Variants in NUFIP1 observed in about 807,000 individuals in gnomAD.
NUFIP1 encodes the protein FMR1-interacting protein NUFIP1.
A neutral mutation model predicts 56.2 loss-of-function variants in NUFIP1; 38 were observed. That is an observed-to-expected ratio of 0.68 (90% CI 0.52 to 0.89). The LOEUF (loss-of-function observed/expected upper bound fraction) is 0.89. NUFIP1 is among the 40% of genes least tolerant of loss of function. The pLI, the probability that NUFIP1 is intolerant of heterozygous loss-of-function variation, is 0.00. For synonymous variants in NUFIP1, 215 were observed against 212.4 expected (o/e 1.01, Z -0.10); for missense variants, 567 against 605.8 (o/e 0.94, Z 0.67).
At chr13:44,969,418 A>C (rs1684540138) in intron 5 of NUFIP1, among the ~76,000 whole-genome samples, 1 of 152,176 alleles carries the variant, frequency 6.6e-6, no homozygotes, top group Non-Finnish European at 1.5e-5. Context: ...CTATTGAAAA[A>C]ACATAAATTA....
Position 44,951,108 on chromosome 13 carries a change from A to G in NUFIP1, c.1022-1270T>C, listed in dbSNP as rs574864200. On this transcript the variant is annotated intron_variant, in intron 7 of 9. Transcript: ENST00000379161. The stretch of plus-strand genomic sequence containing the variant: ...ACACCTATAAAAGTACTCCTTGTCA[A>G]TTTTAAGCTAAGTTACCTTTACTCC... Among the ~76,000 whole-genome samples, 4 of 152,308 alleles carry G rather than the reference A, an allele frequency of 2.6e-5. No individual in the cohort carries two copies. In the East Asian group the frequency reaches 7.7e-4, roughly 29 times the overall value.
intron 6 of NUFIP1, among the ~76,000 whole-genome samples, chr13:44,965,309 T>C (rs1297245876): frequency 2.0e-5 from 3 of 152,212 alleles, no homozygotes; most frequent in Non-Finnish European, 2.9e-5. Context: ...CCTCTTTCTT[T>C]TGTAAATTGC....
chr13:44,965,133 T>G (rs1871553433), intron 6 of NUFIP1, among the ~76,000 whole-genome samples: 1 of 152,074 alleles, frequency 6.6e-6, no homozygotes, highest in African/African-American at 2.4e-5. Flanking sequence ...TGATACTGAG[T>G]GAATGAGTCT....
At chr13:44,953,708 T>C (rs1443022146) in intron 7 of NUFIP1, among the ~76,000 whole-genome samples, 1 of 152,142 alleles carries the variant, frequency 6.6e-6, no homozygotes, top group East Asian at 1.9e-4. Flanking sequence ...GCTTATATTT[T>C]CCCTGTCCCA....
chr13:44,968,527 G>A (rs560641681), intron 5 of NUFIP1, among the ~76,000 whole-genome samples: 20 of 152,212 alleles, frequency 1.3e-4, no homozygotes, highest in Admixed American at 5.2e-4. Flanking sequence ...AAAAGAAGAT[G>A]AGAAGCGACA....
Position 44,940,473 on chromosome 13 carries a change from C to A in NUFIP1, c.*733G>T, listed in dbSNP as rs1022355076. On this transcript the variant is annotated 3_prime_UTR_variant, in exon 10 of 10. Transcript: ENST00000379161. ...TTTAGCTGTATGTCAAAAGGACAGACCAATAGCTACAGCTAGTACAATGAC... is the reference window on the plus strand; with the variant it reads ...TTTAGCTGTATGTCAAAAGGACAGAACAATAGCTACAGCTAGTACAATGAC... 1.3e-5 allele frequency: 2 copies of A among 152,220 alleles called. No individual in the cohort carries two copies. Among genetic ancestry groups the A allele is most frequent in the Non-Finnish European group, 2.9e-5 (2 of 68,036 alleles). The allele number at this position is 152,220 out of a possible 1,614,324, so 9.4% of individuals were successfully genotyped here.
At chr13:44,985,728 C>T (rs187811109) in intron 1 of NUFIP1, among the ~76,000 whole-genome samples, 42 of 152,232 alleles carry the variant, frequency 2.8e-4, no homozygotes, top group Non-Finnish European at 2.4e-4. Context: ...CTCTACCAAC[C>T]GGTGGTTCTC....
Position 44,953,850 on chromosome 13 carries a change from A to T in NUFIP1, c.1022-4012T>A, listed in dbSNP as rs191728596. The stretch of plus-strand genomic sequence containing the variant: ...AAAGCTCACTATACTTGACTTACCT[A>T]AAGGGTAAGTTACAAATTCACACAA... On this transcript the variant is annotated intron_variant, in intron 7 of 9. Coordinates refer to ENST00000379161, the MANE Select transcript of NUFIP1 (RefSeq NM_012345.3). 4.6e-5 allele frequency among the ~76,000 whole-genome samples: 7 copies of T among 152,252 alleles called. No homozygotes were observed. In the East Asian group the frequency reaches 1.4e-3, roughly 29 times the overall value.
chr13:44,952,047 T>C (rs567800077), intron 7 of NUFIP1, among the ~76,000 whole-genome samples: 2 of 152,328 alleles, frequency 1.3e-5, no homozygotes, highest in South Asian at 2.1e-4. Flanking sequence ...TTATTAGAGA[T>C]GCCTTTACTG....
intron 7 of NUFIP1, among the ~76,000 whole-genome samples, chr13:44,955,288 A>C (rs1871190562): frequency 6.6e-6 from 1 of 152,244 alleles, no homozygotes; most frequent in South Asian, 2.1e-4. Context: ...TTCTTTAAAT[A>C]AAAGGCTTTC....
At chr13:44,957,156 C>A (rs1393125210) in intron 7 of NUFIP1, among the ~76,000 whole-genome samples, 1 of 152,170 alleles carries the variant, frequency 6.6e-6, no homozygotes, top group Non-Finnish European at 1.5e-5. Context: ...CCTTGACCCT[C>A]ATTATAGGTA....
chr13:44,976,461 G>A, intron 5 of NUFIP1, among the ~76,000 whole-genome samples: 1 of 151,504 alleles, frequency 6.6e-6, no homozygotes, highest in East Asian at 1.9e-4. Flanking sequence ...AGAGGAAGAA[G>A]AAAAAGAAGA....
Position 44,979,872 on chromosome 13 carries a change from TA to T in NUFIP1, c.657+17del. 6.4e-7 allele frequency: 1 copy of T among 1,565,474 alleles called. No individual in the cohort carries two copies. Among genetic ancestry groups the T allele is most frequent in the Non-Finnish European group, 8.7e-7 (1 of 1,155,262 alleles). On this transcript the variant is annotated intron_variant, in intron 4 of 9. Transcript: ENST00000379161. ...AAAGAGCATGTATTTAAAAATAGGATAAAAAAACAGAACTTACATTTCTCCA... is the reference window on the plus strand; with the variant it reads ...AAAGAGCATGTATTTAAAAATAGGATAAAAAACAGAACTTACATTTCTCCA...
intron 5 of NUFIP1, among the ~76,000 whole-genome samples, chr13:44,967,624 A>C (rs575538289): frequency 6.6e-6 from 1 of 152,358 alleles, no homozygotes; most frequent in Non-Finnish European, 1.5e-5. Flanking sequence ...ATGTGTCTTG[A>C]ATACCAAACT....
intron 7 of NUFIP1, among the ~76,000 whole-genome samples, chr13:44,953,883 A>G (rs1175730791): frequency 6.6e-6 from 1 of 152,044 alleles, no homozygotes; most frequent in Non-Finnish European, 1.5e-5. Context: ...CAAATAAACA[A>G]CTCTTTCCCT....
chr13:44,948,232 T>C (rs1473549457), intron 8 of NUFIP1, among the ~76,000 whole-genome samples: 1 of 146,404 alleles, frequency 6.8e-6, no homozygotes, highest in Non-Finnish European at 1.5e-5. Flanking sequence ...AACCTCTGCC[T>C]CTTGGGTTCA....
chr13:44,976,817 G>A (rs533981460), intron 5 of NUFIP1, among the ~76,000 whole-genome samples: 14 of 152,302 alleles, frequency 9.2e-5, no homozygotes, highest in Admixed American at 7.8e-4. Context: ...GAGGGGCAAG[G>A]GGGCTCACAG....
rs766484417 is a variant in NUFIP1, at chr13:44,989,454, A to G, written c.-18T>C. ...TCAGCCATACCACTGGCGGGTCCGG[A>G]GTCTAGCACGCGACTGTGGAGCAAG... On this transcript the variant is annotated 5_prime_UTR_variant, in exon 1 of 10. Coordinates refer to ENST00000379161, the MANE Select transcript of NUFIP1 (RefSeq NM_012345.3). 3 of 1,610,710 alleles carry G rather than the reference A, an allele frequency of 1.9e-6. No individual in the cohort carries two copies. Among genetic ancestry groups the G allele is most frequent in the Non-Finnish European group, 2.5e-6 (3 of 1,178,492 alleles).
rs1872553959 is a variant in NUFIP1, at chr13:44,989,135, G to A, written c.302C>T (p.Ser101Phe). Residue 101 changes from serine to phenylalanine, a missense_variant, in exon 1 of 10, where the codon TCT (serine) becomes TTT (phenylalanine). By Grantham distance (155) the Ser-to-Phe change is radical (BLOSUM62 -2). Coordinates refer to ENST00000379161, the MANE Select transcript of NUFIP1 (RefSeq NM_012345.3). The part of the protein sequence containing the change: ...PPFDAQSPLD[S>F]QPQPSGQPWN... ...AGGCTGGCCGCTGGGTTGAGGCTGA[G>A]AATCAAGGGGAGACTGGGCGTCGAA... The A allele has an allele frequency of 6.2e-7, 1 of 1,614,130 alleles. No individual in the cohort carries two copies. The highest frequency in any genetic ancestry group is 1.7e-5 in the Admixed American group (1 of 60,000).
Sources: allele counts gnomAD v4.1 joint callset (sites outside exome capture counted in the v4.1 genomes callset), GRCh38; gene constraint gnomAD v4.1.1; transcripts MANE v1.5; gene names NCBI Gene and HGNC (gene_info 2026-07-23, HGNC 2026-07-21).